The following CHMP3 variants were observed in gnomAD, a reference collection of about 807,000 sequenced individuals.
CHMP3 encodes the protein charged multivesicular body protein 3, also known as 25.1 protein.
A neutral mutation model predicts 27.4 loss-of-function variants in CHMP3; 8 were observed. The observed-to-expected ratio is 0.29, with a 90% CI of 0.17 to 0.53. The LOEUF (loss-of-function observed/expected upper bound fraction) is 0.53, where lower values mean the gene tolerates loss of function less well. CHMP3 is among the 20% of genes least tolerant of loss of function. The probability of loss-of-function intolerance (pLI) is 0.96; values close to 1 mark genes in which losing one functional copy is unlikely to be tolerated. For missense variants in CHMP3, 208 were observed against 271.5 expected, an observed-to-expected ratio of 0.77 and a Z score of 1.64; for synonymous variants, 86 against 85.5, an observed-to-expected ratio of 1.01 and a Z score of -0.03.
chr2:86,519,157 T>G (rs1306290278), intron 3 of CHMP3, among the ~76,000 whole-genome samples: 2 of 152,092 alleles, frequency 1.3e-5, no homozygotes, highest in Non-Finnish European at 2.9e-5. Flanking sequence ...GTGGATCACC[T>G]GAGGTCAGAA....
chr2:86,542,160 G>A lies in CHMP3; in HGVS notation c.106+92C>T, dbSNP rs1676384993. ...AATAACTGATATAGGAATAAACTAT[G>A]TCTTATGATATATAAATGCAGTTTA... On this transcript the variant is annotated intron_variant, in intron 2 of 5. Coordinates refer to ENST00000263856, the MANE Select transcript of CHMP3 (RefSeq NM_016079.4). The A allele has an allele frequency of 5.3e-6, 7 of 1,313,942 alleles. No individual in the cohort carries two copies. The Admixed American group carries it at 7.6e-5, about 14-fold the overall frequency. 81.4% of individuals were successfully genotyped at this position (1,313,942 alleles called of 1,614,324 possible).
rs905853779 is a variant in CHMP3 at position 86,503,802 on chromosome 2, C to G, written c.*2002G>C. ...AGAAAGATCATGTCCTTTGCAGGAACATGGATGGGGCTGGAGGCCATTATC... is the reference window on the plus strand; with the variant it reads ...AGAAAGATCATGTCCTTTGCAGGAAGATGGATGGGGCTGGAGGCCATTATC... On this transcript the variant is annotated 3_prime_UTR_variant, in exon 6 of 6. Transcript: ENST00000263856. The G allele has an allele frequency of 6.6e-5, 10 of 152,178 alleles. No individual in the cohort carries two copies. The highest frequency in any genetic ancestry group is 5.9e-4 in the Admixed American group (9 of 15,278). 9.4% of individuals were successfully genotyped at this position (152,178 alleles called of 1,614,324 possible).
chr2:86,557,956 C>G (rs1474929667), intron 1 of CHMP3, among the ~76,000 whole-genome samples: 1 of 152,128 alleles, frequency 6.6e-6, no homozygotes, highest in Non-Finnish European at 1.5e-5. Flanking sequence ...CAAAATCACT[C>G]GATATTTGTT....
chr2:86,559,916 T>C (rs959055445), intron 1 of CHMP3, among the ~76,000 whole-genome samples: 2 of 152,202 alleles, frequency 1.3e-5, no homozygotes, highest in Non-Finnish European at 2.9e-5. Context: ...TATGTGGTAC[T>C]GTATTAGTCG....
At chr2:86,533,975 C>T (rs1366538022) in intron 2 of CHMP3, among the ~76,000 whole-genome samples, 1 of 152,108 alleles carries the variant, frequency 6.6e-6, no homozygotes, top group Non-Finnish European at 1.5e-5. Flanking sequence ...AATTTCCATA[C>T]ATCTGTGAAT....
intron 3 of CHMP3, among the ~76,000 whole-genome samples, chr2:86,523,385 A>G (rs1176859763): frequency 6.6e-6 from 1 of 152,208 alleles, no homozygotes; most frequent in Non-Finnish European, 1.5e-5. Flanking sequence ...CACAGTAAGC[A>G]ATTATAAATA....
chr2:86,548,622 T>G (rs1158913220), intron 1 of CHMP3, among the ~76,000 whole-genome samples: 1 of 152,172 alleles, frequency 6.6e-6, no homozygotes, highest in East Asian at 1.9e-4. Context: ...TGATCTGTCT[T>G]TCTTTTCCCC....
chr2:86,503,569 G>A lies in CHMP3; in HGVS notation c.*2235C>T, dbSNP rs532230922. The stretch of plus-strand genomic sequence containing the variant: ...AAACCACCAAGAAGTCTTTCAATAG[G>A]TGAATGGATAAACTATTCATCTAGA... On this transcript the variant is annotated 3_prime_UTR_variant, in exon 6 of 6. Coordinates refer to ENST00000263856, the MANE Select transcript of CHMP3 (RefSeq NM_016079.4). 2 of 152,128 alleles carry A rather than the reference G, an allele frequency of 1.3e-5. No homozygotes were observed. Among genetic ancestry groups the A allele is most frequent in the East Asian group, 3.9e-4 (2 of 5,176 alleles). 9.4% of individuals were successfully genotyped at this position (152,128 alleles called of 1,614,324 possible).
intron 2 of CHMP3, among the ~76,000 whole-genome samples, chr2:86,529,744 C>G (rs1320396983): frequency 6.6e-6 from 1 of 152,088 alleles, no homozygotes; most frequent in Non-Finnish European, 1.5e-5. Context: ...TATACAGTCA[C>G]CAATCATTTC....
chr2:86,510,736 T>G, intron 3 of CHMP3: 1 of 335,810 alleles, frequency 3.0e-6, no homozygotes, highest in East Asian at 6.5e-5. Flanking sequence ...CTGAAGCCAC[T>G]CTTGACTTTT....
intron 1 of CHMP3, among the ~76,000 whole-genome samples, chr2:86,559,752 A>C (rs1323377381): frequency 6.6e-6 from 1 of 152,206 alleles, no homozygotes; most frequent in East Asian, 1.9e-4. Context: ...CACCAGATAA[A>C]GTGGATAATC....
At chr2:86,548,384 A>G (rs1026620898) in intron 1 of CHMP3, among the ~76,000 whole-genome samples, 6 of 152,056 alleles carry the variant, frequency 3.9e-5, no homozygotes, top group African/African-American at 1.4e-4. Flanking sequence ...GGGAGTGGAG[A>G]TGACTCTTAA....
At chr2:86,548,174 GTTCTCT>G (rs1676687121) in intron 1 of CHMP3, among the ~76,000 whole-genome samples, 1 of 137,570 alleles carries the variant, frequency 7.3e-6, no homozygotes, top group Non-Finnish European at 1.5e-5. Flanking sequence ...TAGAGGAGGA[GTTCTCT>G]TTTTTTTTTT....
At chr2:86,525,489 C>A (rs1034533323) in intron 3 of CHMP3, among the ~76,000 whole-genome samples, 6 of 151,058 alleles carry the variant, frequency 4.0e-5, no homozygotes, top group Admixed American at 4.0e-4. Context: ...GCCGAGATGG[C>A]ACCACTGCAC....
Position 86,505,907 on chromosome 2 carries a change from G to A in CHMP3, c.566C>T (p.Pro189Leu), listed in dbSNP as rs754290630. ...CATCGCTCCTGGAGGTTCTGGCTCT[G>A]GAAGGGCATCAGTCACTTTACTGGG... ...KAPSKVTDALPEPEPPGAMAA... is the reference protein window; with the variant it reads ...KAPSKVTDALLEPEPPGAMAA... The change falls in exon 6 of 6, where the codon CCA becomes CTA. Residue 189 changes from proline to leucine, a missense_variant. By Grantham distance (98) the Pro-to-Leu change is moderately conservative. Coordinates refer to ENST00000263856, the MANE Select transcript of CHMP3 (RefSeq NM_016079.4). The A allele has an allele frequency of 2.5e-6, 4 of 1,590,376 alleles. No homozygotes were observed. The highest frequency in any genetic ancestry group is 2.7e-5 in the African/African-American group (2 of 73,932).
At chr2:86,547,539 A>C (rs182630998) in intron 1 of CHMP3, among the ~76,000 whole-genome samples, 1 of 152,364 alleles carries the variant, frequency 6.6e-6, no homozygotes, top group African/African-American at 2.4e-5. Context: ...GTCAACTGGG[A>C]AACTTTAAAA....
rs1676800320 is a variant in CHMP3, at chr2:86,549,701, C to A, written c.46-7389G>T. On this transcript the variant is annotated intron_variant, in intron 1 of 5. Coordinates refer to ENST00000263856, the MANE Select transcript of CHMP3 (RefSeq NM_016079.4). Reference sequence around the variant, plus strand: ...GTGGCGGCCGGGCAGAGACGCCCCTCACCTCCCAGATGGGGCGGCCGGGCA... The same window carrying A: ...GTGGCGGCCGGGCAGAGACGCCCCTAACCTCCCAGATGGGGCGGCCGGGCA... Among the ~76,000 whole-genome samples the A allele has an allele frequency of 2.7e-5, 4 of 146,320 alleles. No individual in the cohort carries two copies. In the South Asian group the frequency reaches 8.7e-4, roughly 32 times the overall value.
chr2:86,556,981 C>T (rs917892318), intron 1 of CHMP3, among the ~76,000 whole-genome samples: 1 of 152,212 alleles, frequency 6.6e-6, no homozygotes, highest in African/African-American at 2.4e-5. Context: ...ATTATGCCAG[C>T]CCAGTGGATG....
At chr2:86,560,669 C>T (rs978996278) in intron 1 of CHMP3, among the ~76,000 whole-genome samples, 2 of 150,558 alleles carry the variant, frequency 1.3e-5, no homozygotes, top group African/African-American at 2.5e-5. Context: ...CAAAACTGCA[C>T]GTTCTGCACA....
Sources: allele counts gnomAD v4.1 joint callset (sites outside exome capture counted in the v4.1 genomes callset), GRCh38; gene constraint gnomAD v4.1.1; transcripts MANE v1.5; gene names NCBI Gene and HGNC (gene_info 2026-07-23, HGNC 2026-07-21).